The following MED30 variants were observed in gnomAD, a reference collection of about 807,000 sequenced individuals.
MED30 encodes the protein mediator complex subunit 30.
MED30 carries 8 observed loss-of-function variants against 21.7 expected under a neutral mutation model. The observed-to-expected ratio is 0.37, with a 90% CI of 0.22 to 0.67. The LOEUF (loss-of-function observed/expected upper bound fraction) is 0.67, where lower values mean the gene tolerates loss of function less well. Ranked by LOEUF, MED30 falls within the 30% of genes least tolerant of loss-of-function variation. The probability of loss-of-function intolerance (pLI) is 0.58; values close to 1 mark genes in which losing one functional copy is unlikely to be tolerated. For missense variants in MED30, 203 were observed against 228.2 expected, an observed-to-expected ratio of 0.89 and a Z score of 0.71; for synonymous variants, 79 against 86.7, an observed-to-expected ratio of 0.91 and a Z score of 0.49.
intron 1 of MED30, 79 bp downstream of exon 1, chr8:117,521,132 C>A: frequency 1.4e-6 from 2 of 1,396,454 alleles, no homozygotes; most frequent in Non-Finnish European, 9.6e-7. Flanking sequence ...ACGTGGGGCC[C>A]GTGGATGTCA....
At chr8:117,533,028 C>T (rs772161048) in intron 3 of MED30, among the ~76,000 whole-genome samples, 12 of 151,606 alleles carry the variant, frequency 7.9e-5, no homozygotes, top group Non-Finnish European at 1.6e-4. Context: ...AATAAAACAC[C>T]ATTATAATAA....
intron 3 of MED30, among the ~76,000 whole-genome samples, chr8:117,537,288 G>A (rs1173181138): frequency 1.3e-5 from 2 of 152,178 alleles, no homozygotes; most frequent in African/African-American, 4.8e-5. Flanking sequence ...ATTGGGCACA[G>A]CTGATGGATT....
rs1563786554 is a variant in MED30 at position 117,520,850 on chromosome 8, CT to C, written c.-25del. On this transcript the variant is annotated 5_prime_UTR_variant, in exon 1 of 4. Transcript: ENST00000297347. ...ACCCCTGACACCTGCTGTCTGGCCC[CT>C]TCCGGCCTGAAGCTGCAGCCGCGCC... 2 of 1,553,408 alleles carry C rather than the reference CT, an allele frequency of 1.3e-6. No individual in the cohort carries two copies. Among genetic ancestry groups the C allele is most frequent in the South Asian group, 2.4e-5 (2 of 84,832 alleles).
chr8:117,523,350 G>T, intron 1 of MED30: 1 of 1,511,548 alleles, frequency 6.6e-7, no homozygotes, highest in Non-Finnish European at 9.1e-7. Context: ...CGGCTTTCTT[G>T]TCGGCACCAG....
At chr8:117,531,942 A>T (rs947813843) in intron 3 of MED30, among the ~76,000 whole-genome samples, 3 of 152,036 alleles carry the variant, frequency 2.0e-5, no homozygotes, top group Non-Finnish European at 2.9e-5. Flanking sequence ...AGTCTATAAG[A>T]GTTCCGTAAA....
At chr8:117,526,089 G>A (rs1818715536) in intron 1 of MED30, among the ~76,000 whole-genome samples, 1 of 151,438 alleles carries the variant, frequency 6.6e-6, no homozygotes, top group Non-Finnish European at 1.5e-5. Flanking sequence ...TTTTTTCTAG[G>A]TATTTTATCT....
intron 1 of MED30, among the ~76,000 whole-genome samples, chr8:117,524,797 T>C (rs573239150): frequency 1.4e-4 from 22 of 152,352 alleles, no homozygotes; most frequent in Admixed American, 1.2e-3. Context: ...CAAATGTTTA[T>C]GTATATTGTT....
intron 2 of MED30, 82 bp downstream of exon 2, chr8:117,528,891 C>A: frequency 8.7e-7 from 1 of 1,148,880 alleles, no homozygotes; most frequent in Non-Finnish European, 1.2e-6. Flanking sequence ...CCTCTCTCTC[C>A]TGTTTTAGCA....
At chr8:117,537,416 G>A (rs750386296) in intron 3 of MED30, among the ~76,000 whole-genome samples, 11 of 152,136 alleles carry the variant, frequency 7.2e-5, no homozygotes, top group Non-Finnish European at 1.5e-4. Flanking sequence ...AAGCATAAGT[G>A]TCAGCTTTGC....
At chr8:117,523,355 C>T in intron 1 of MED30, 2 of 1,519,228 alleles carry the variant, frequency 1.3e-6, no homozygotes, top group East Asian at 2.3e-5. Flanking sequence ...TTCTTGTCGG[C>T]ACCAGGGGGC....
chr8:117,539,731 G>C, intron 3 of MED30, 152 bp from the exon 4 acceptor site: 1 of 531,374 alleles, frequency 1.9e-6, no homozygotes, highest in Non-Finnish European at 3.3e-6. Flanking sequence ...AATATTTAAG[G>C]CCAGAAGAGG....
chr8:117,525,876 TCTTG>T (rs1374841620), intron 1 of MED30, among the ~76,000 whole-genome samples: 1 of 152,116 alleles, frequency 6.6e-6, no homozygotes, highest in African/African-American at 2.4e-5. Flanking sequence ...CCCTGGCTAT[TCTTG>T]CTTATTTTTC....
chr8:117,532,688 T>C (rs925071268), intron 3 of MED30, among the ~76,000 whole-genome samples: 2 of 152,074 alleles, frequency 1.3e-5, no homozygotes, highest in Non-Finnish European at 2.9e-5. Flanking sequence ...AGGAAAAAGA[T>C]GGATAGATTT....
intron 2 of MED30, among the ~76,000 whole-genome samples, chr8:117,529,616 C>G (rs1328317654): frequency 1.3e-5 from 2 of 151,790 alleles, no homozygotes; most frequent in Admixed American, 6.6e-5. Flanking sequence ...AAATAAGAAG[C>G]TGGAGCCGGC....
chr8:117,534,747 G>A (rs566487278), intron 3 of MED30, among the ~76,000 whole-genome samples: 1 of 151,966 alleles, frequency 6.6e-6, no homozygotes, highest in African/African-American at 2.4e-5. Context: ...TAGGTGGTGG[G>A]CACAGGGAAA....
chr8:117,536,717 C>T (rs1416899372), intron 3 of MED30, among the ~76,000 whole-genome samples: 2 of 152,146 alleles, frequency 1.3e-5, no homozygotes, highest in African/African-American at 4.8e-5. Flanking sequence ...TATTTAAATA[C>T]TTTTCATTTT....
At chr8:117,537,981 C>G (rs1818909958) in intron 3 of MED30, among the ~76,000 whole-genome samples, 1 of 152,166 alleles carries the variant, frequency 6.6e-6, no homozygotes, top group Non-Finnish European at 1.5e-5. Flanking sequence ...CCCAATATAG[C>G]ACTTTTATAT....
chr8:117,536,461 C>T (rs1490359221), intron 3 of MED30, among the ~76,000 whole-genome samples: 1 of 152,022 alleles, frequency 6.6e-6, no homozygotes, highest in Non-Finnish European at 1.5e-5. Context: ...TTTATATACC[C>T]CTCAGCTGAC....
chr8:117,530,318 TA>T (rs1818775905), intron 2 of MED30: 1 of 152,546 alleles, frequency 6.6e-6, no homozygotes, highest in South Asian at 2.1e-4. Flanking sequence ...TCTATCTCAA[TA>T]GACTACAAAT....
Sources: gnomAD v4.1 joint callset for allele counts (sites outside exome capture counted in the v4.1 genomes callset) on GRCh38, gnomAD v4.1.1 for gene constraint, MANE v1.5 for transcripts, NCBI Gene and HGNC (gene_info 2026-07-23, HGNC 2026-07-21) for gene names.